The following MITF variants were observed in gnomAD, a reference collection of about 807,000 sequenced individuals.
MITF encodes microphthalmia-associated transcription factor.
In MITF, 17 loss-of-function variants were observed where a neutral mutation model predicts 60.5. The observed-to-expected ratio is 0.28, with a 90% CI of 0.19 to 0.42. The LOEUF (loss-of-function observed/expected upper bound fraction) is 0.42. Among genes scored for constraint, MITF ranks in the 10% least tolerant of loss-of-function variants. The pLI, the probability that MITF is intolerant of heterozygous loss-of-function variation, is 1.00. For missense variants in MITF, 622 were observed against 683.5 expected (o/e 0.91, Z 1.00); for synonymous variants, 260 against 248.5 (o/e 1.05, Z -0.43).
chr3:69,826,033 A>G (rs1391510237), intron 1 of MITF, among the ~76,000 whole-genome samples: 1 of 152,212 alleles, frequency 6.6e-6, no homozygotes, highest in East Asian at 1.9e-4. Context: ...GCATCTTTTT[A>G]AAATTTTACA....
At chr3:69,937,347 A>C (rs2065862778) in intron 2 of MITF, among the ~76,000 whole-genome samples, 1 of 150,870 alleles carries the variant, frequency 6.6e-6, no homozygotes, top group African/African-American at 2.5e-5. Context: ...GCCATTTTAC[A>C]CAGTTGGTTC....
At chr3:69,744,260 A>T (rs1575654877) in intron 1 of MITF, among the ~76,000 whole-genome samples, 1 of 152,242 alleles carries the variant, frequency 6.6e-6, no homozygotes, top group African/African-American at 2.4e-5. Context: ...TCATATTAAA[A>T]AATGCCCTTT....
chr3:69,888,221 A>G (rs2064670250), intron 2 of MITF, among the ~76,000 whole-genome samples: 1 of 151,980 alleles, frequency 6.6e-6, no homozygotes, highest in South Asian at 2.1e-4. Flanking sequence ...GAAGTGACAA[A>G]CCAGAGACAT....
At chr3:69,815,292 T>C (rs1020615808) in intron 1 of MITF, among the ~76,000 whole-genome samples, 1 of 152,114 alleles carries the variant, frequency 6.6e-6, no homozygotes, top group Admixed American at 6.6e-5. Context: ...CCTGCTCACA[T>C]TGTCTAGTAA....
At chr3:69,935,684 G>A (rs1438012073) in intron 2 of MITF, among the ~76,000 whole-genome samples, 3 of 152,084 alleles carry the variant, frequency 2.0e-5, no homozygotes, top group Non-Finnish European at 4.4e-5. Context: ...TAGATATTAA[G>A]CATTTATCAT....
chr3:69,844,441 C>A (rs1001201920), intron 1 of MITF, among the ~76,000 whole-genome samples: 7 of 152,120 alleles, frequency 4.6e-5, no homozygotes, highest in African/African-American at 1.7e-4. Context: ...AAACTGGACC[C>A]CTTCCTTATA....
chr3:69,800,821 A>C (rs1025077313), intron 1 of MITF, among the ~76,000 whole-genome samples: 1 of 152,152 alleles, frequency 6.6e-6, no homozygotes, highest in Non-Finnish European at 1.5e-5. Flanking sequence ...GGGAAATATA[A>C]AATAGAATTT....
chr3:69,899,165 C>T (rs1347870656), intron 2 of MITF, among the ~76,000 whole-genome samples: 1 of 152,146 alleles, frequency 6.6e-6, no homozygotes, highest in African/African-American at 2.4e-5. Flanking sequence ...TAGGTGTGAG[C>T]TTTGTGAAAG....
At position 69,933,023 on chromosome 3, in the gene MITF, A is replaced by G. The variant is rs748739817; in HGVS notation, c.355-4799A>G. On this transcript the variant is annotated intron_variant, in intron 2 of 9. Transcript: ENST00000352241. ...TGAACATTTTGTTGAATTATTAAAA[A>G]TATATATATATAAAGCCATTTGAGT... Among the ~76,000 whole-genome samples the G allele has an allele frequency of 2.2e-4, 33 of 151,788 alleles. 1 individual carries two copies. Among genetic ancestry groups the G allele is most frequent in the Non-Finnish European group, 2.4e-4 (16 of 67,848 alleles).
chr3:69,767,193 G>C (rs2062310327), intron 1 of MITF, among the ~76,000 whole-genome samples: 3 of 152,172 alleles, frequency 2.0e-5, no homozygotes, highest in Admixed American at 6.5e-5. Context: ...AGCACCTCCT[G>C]TATGCCAGCA....
chr3:69,879,152 TG>T lies in MITF; in HGVS notation c.127del (p.Ala43ProfsTer6). The T allele has an allele frequency of 6.2e-7, 1 of 1,614,224 alleles. No individual in the cohort carries two copies. The highest frequency in any genetic ancestry group is 8.5e-7 in the Non-Finnish European group (1 of 1,180,032). On this transcript the variant is annotated frameshift_variant, in exon 2 of 10. Coordinates refer to ENST00000352241, the MANE Select transcript of MITF (RefSeq NM_001354604.2). LOFTEE classifies it high-confidence loss of function. Reference protein sequence around the residue: ...LKSSSSAEHPGASKPPISSSS... With the variant: ...LKSSSSAEHPXASKPPISSSS... Reference sequence around the variant, plus strand: ...CCCACAGCAGTTCCGCCGAGCATCCTGGGGCCTCCAAGCCTCCGATAAGCTC... The same window carrying T: ...CCCACAGCAGTTCCGCCGAGCATCCTGGGCCTCCAAGCCTCCGATAAGCTC...
intron 1 of MITF, among the ~76,000 whole-genome samples, chr3:69,816,770 C>G (rs1200888998): frequency 6.6e-6 from 1 of 152,098 alleles, no homozygotes; most frequent in African/African-American, 2.4e-5. Context: ...AGTATAGTTC[C>G]TTACACATAT....
At chr3:69,780,178 C>T (rs1287526371) in intron 1 of MITF, among the ~76,000 whole-genome samples, 1 of 152,052 alleles carries the variant, frequency 6.6e-6, no homozygotes, top group Non-Finnish European at 1.5e-5. Flanking sequence ...GAAAATGGGC[C>T]ACGTGGAAAC....
intron 4 of MITF, 53 bp downstream of exon 4, chr3:69,939,234 A>G (rs1473860378): frequency 1.3e-6 from 2 of 1,498,344 alleles, no homozygotes; most frequent in Non-Finnish European, 1.9e-6. Flanking sequence ...GAGAATCTAT[A>G]TTTGTGGTGG....
intron 1 of MITF, among the ~76,000 whole-genome samples, chr3:69,862,074 T>G (rs745791333): frequency 2.6e-4 from 39 of 151,430 alleles, no homozygotes; most frequent in Non-Finnish European, 2.9e-4. Context: ...TATAATGTTA[T>G]ATTATATATT....
rs759955261 is a variant in MITF, at chr3:69,786,774, T to C, written c.104+47073T>C. ...AAAAACAATTTCTTTAAAATTAGGG[T>C]TGGAGGAGCATATTAGGTAAAAATC... is the stretch of plus-strand genomic sequence containing the variant. On this transcript the variant is annotated intron_variant, in intron 1 of 9. Coordinates refer to ENST00000352241, the MANE Select transcript of MITF (RefSeq NM_001354604.2). Among the ~76,000 whole-genome samples, 5 of 152,254 alleles carry C rather than the reference T, an allele frequency of 3.3e-5. No individual in the cohort carries two copies. In the South Asian group the frequency reaches 6.2e-4, roughly 19 times the overall value.
At chr3:69,865,568 T>A (rs1363026876) in intron 1 of MITF, among the ~76,000 whole-genome samples, 1 of 152,204 alleles carries the variant, frequency 6.6e-6, no homozygotes, top group Non-Finnish European at 1.5e-5. Context: ...GTCTTAAGAA[T>A]ACACAGTTTA....
rs368473374 is a variant in MITF at position 69,850,414 on chromosome 3, T to C, written c.105-28720T>C. ...AAATAATATTAAAGGTAGAAGGTTGTTATTGAAGATTAAAATAAGGTAATG... is the reference window on the plus strand; with the variant it reads ...AAATAATATTAAAGGTAGAAGGTTGCTATTGAAGATTAAAATAAGGTAATG... On this transcript the variant is annotated intron_variant, in intron 1 of 9. Coordinates refer to ENST00000352241, the MANE Select transcript of MITF (RefSeq NM_001354604.2). Among the ~76,000 whole-genome samples, 71 of 152,304 alleles carry C rather than the reference T, an allele frequency of 4.7e-4. No individual in the cohort carries two copies. In the South Asian group the frequency reaches 0.014, roughly 30 times the overall value.
intron 1 of MITF, among the ~76,000 whole-genome samples, chr3:69,851,771 G>A (rs1020215796): frequency 6.6e-6 from 1 of 152,160 alleles, no homozygotes; most frequent in Admixed American, 6.5e-5. Context: ...AACTCGAACG[G>A]AAGGTGAATT....
Sources: gnomAD v4.1 joint callset for allele counts (sites outside exome capture counted in the v4.1 genomes callset) on GRCh38, gnomAD v4.1.1 for gene constraint, MANE v1.5 for transcripts, NCBI Gene and HGNC (gene_info 2026-07-23, HGNC 2026-07-21) for gene names.